The following CLDN10 variants were observed in gnomAD, a reference collection of about 807,000 sequenced individuals.
The protein encoded by CLDN10 is claudin-10.
CLDN10 carries 15 observed loss-of-function variants against 22.9 expected under a neutral mutation model. The ratio of observed to expected loss-of-function variants is 0.65; its 90% CI spans 0.44 to 1.01. CLDN10 has a LOEUF of 1.01. Ranked by LOEUF, CLDN10 falls within the 50% of genes least tolerant of loss-of-function variation. CLDN10 has a pLI of 0.00. For missense variants in CLDN10, 247 were observed against 287.8 expected, an observed-to-expected ratio of 0.86 and a Z score of 1.03; for synonymous variants, 114 against 111.4, an observed-to-expected ratio of 1.02 and a Z score of -0.15.
At chr13:95,469,532 C>G (rs1057459459) in intron 1 of CLDN10, among the ~76,000 whole-genome samples, 2 of 152,142 alleles carry the variant, frequency 1.3e-5, no homozygotes, top group African/African-American at 4.8e-5. Flanking sequence ...GTTTAATCAC[C>G]GTAGTCTACA....
chr13:95,463,529 C>T (rs912639292), intron 1 of CLDN10, among the ~76,000 whole-genome samples: 3 of 150,716 alleles, frequency 2.0e-5, no homozygotes, highest in Admixed American at 6.6e-5. Context: ...GATGGGTTTT[C>T]GCCATGCTGC....
At chr13:95,568,780 G>C (rs1256975772) in intron 3 of CLDN10, among the ~76,000 whole-genome samples, 1 of 151,742 alleles carries the variant, frequency 6.6e-6, no homozygotes, top group Non-Finnish European at 1.5e-5. Context: ...GTGTAGGACT[G>C]TCTGTCTGTC....
chr13:95,571,014 C>CT, intron 3 of CLDN10, among the ~76,000 whole-genome samples: 1 of 151,310 alleles, frequency 6.6e-6, no homozygotes. Context: ...TTTGTCATTG[C>CT]TTTTAATAGC....
intron 1 of CLDN10, among the ~76,000 whole-genome samples, chr13:95,522,884 A>G (rs78139216): frequency 6.6e-6 from 1 of 152,116 alleles, no homozygotes; most frequent in East Asian, 1.9e-4. Flanking sequence ...TATTTTAGGT[A>G]GCATTCACAT....
chr13:95,530,983 C>T (rs1337641149), intron 1 of CLDN10, among the ~76,000 whole-genome samples: 17 of 150,494 alleles, frequency 1.1e-4, no homozygotes, highest in Admixed American at 5.3e-4. Flanking sequence ...CTGAGTGCAG[C>T]GGCACAATCT....
intron 1 of CLDN10, among the ~76,000 whole-genome samples, chr13:95,515,741 G>A (rs1342760085): frequency 6.6e-6 from 1 of 152,190 alleles, no homozygotes; most frequent in East Asian, 1.9e-4. Context: ...ATGATGGCTT[G>A]TAGAACGCGA....
chr13:95,530,929 CTTTT>C (rs1269039220), intron 1 of CLDN10, among the ~76,000 whole-genome samples: 1 of 141,746 alleles, frequency 7.1e-6, no homozygotes. Flanking sequence ...ATCATCTTTC[CTTTT>C]TTTTTTTTTT....
intron 1 of CLDN10, among the ~76,000 whole-genome samples, chr13:95,434,877 T>TA (rs2042252116): frequency 6.6e-6 from 1 of 152,144 alleles, no homozygotes; most frequent in African/African-American, 2.4e-5. Flanking sequence ...ACGTTTTTTT[T>TA]AATGTTTGTC....
intron 3 of CLDN10, among the ~76,000 whole-genome samples, chr13:95,561,781 TAA>T (rs1196622431): frequency 6.0e-5 from 9 of 151,232 alleles, no homozygotes; most frequent in African/African-American, 2.2e-4. Flanking sequence ...TTTTTTTTTT[TAA>T]GAGTTAGGGC....
chr13:95,505,653 T>C (rs576107850), intron 1 of CLDN10, among the ~76,000 whole-genome samples: 1 of 151,904 alleles, frequency 6.6e-6, no homozygotes, highest in Non-Finnish European at 1.5e-5. Flanking sequence ...AAGGAGGCAG[T>C]GGGCAAAGCA....
intron 1 of CLDN10, among the ~76,000 whole-genome samples, chr13:95,534,954 G>A (rs1293055727): frequency 6.6e-6 from 1 of 152,112 alleles, no homozygotes; most frequent in East Asian, 1.9e-4. Flanking sequence ...TGCAACAATG[G>A]AAGCACGCCA....
rs199796470 is a variant in CLDN10 at position 95,577,246 on chromosome 13, C to T, written c.480C>T (p.Ala160=). The change falls in exon 4 of 5, where the codon GCC becomes GCT. Residue 160 remains alanine (A), a synonymous_variant. Transcript: ENST00000299339. ...LFVEQKYELG[A]ALFIGWAGAS... ...TTTCTCACAGGTATGAATTAGGAGC[C>T]GCTCTGTTTATTGGATGGGCAGGAG... 4.1e-4 allele frequency: 667 copies of T among 1,613,570 alleles called. 10 individuals carry two copies. The South Asian group carries it at 6.4e-3, about 15-fold the overall frequency.
intron 1 of CLDN10, among the ~76,000 whole-genome samples, chr13:95,519,339 A>C (rs2043201670): frequency 6.6e-6 from 1 of 152,146 alleles, no homozygotes; most frequent in Non-Finnish European, 1.5e-5. Flanking sequence ...CCTTTCTCTC[A>C]TGTCTGGTCA....
intron 1 of CLDN10, among the ~76,000 whole-genome samples, chr13:95,453,070 GGTTTT>G (rs1281881919): frequency 6.6e-6 from 1 of 151,892 alleles, no homozygotes; most frequent in Non-Finnish European, 1.5e-5. Context: ...AATGGTTTTT[GGTTTT>G]GTTTTGTTTT....
chr13:95,547,887 GGGA>G (rs1204301524), upstream of CLDN10, among the ~76,000 whole-genome samples: 1 of 152,176 alleles, frequency 6.6e-6, no homozygotes, highest in African/African-American at 2.4e-5. Context: ...TAACAAAGGA[GGGA>G]GGCAGAAAGT....
intron 3 of CLDN10, among the ~76,000 whole-genome samples, chr13:95,573,751 G>C (rs958357725): frequency 1.3e-5 from 2 of 148,724 alleles, no homozygotes; most frequent in African/African-American, 5.0e-5. Context: ...GTACCTCTAA[G>C]TTCTAGGGTA....
At chr13:95,572,256 C>T (rs2043872934) in intron 3 of CLDN10, among the ~76,000 whole-genome samples, 1 of 152,094 alleles carries the variant, frequency 6.6e-6, no homozygotes, top group Non-Finnish European at 1.5e-5. Flanking sequence ...TCTGAAATGA[C>T]AACTAAAAAT....
intron 1 of CLDN10, among the ~76,000 whole-genome samples, chr13:95,435,959 T>C (rs1207620254): frequency 6.8e-6 from 1 of 146,690 alleles, no homozygotes; most frequent in Non-Finnish European, 1.5e-5. Context: ...CCCGGCCTCA[T>C]CTTAAAAAAA....
At chr13:95,538,216 A>G (rs1204435524) in intron 1 of CLDN10, among the ~76,000 whole-genome samples, 3 of 123,182 alleles carry the variant, frequency 2.4e-5, no homozygotes, top group Non-Finnish European at 4.7e-5. Flanking sequence ...GCTCACTGCA[A>G]CCTCTGCTTC....
Sources: gnomAD v4.1 joint callset for allele counts (sites outside exome capture counted in the v4.1 genomes callset) on GRCh38, gnomAD v4.1.1 for gene constraint, MANE v1.5 for transcripts, NCBI Gene and HGNC (gene_info 2026-07-23, HGNC 2026-07-21) for gene names.